The following SLF2 variants were observed in gnomAD, a reference collection of about 807,000 sequenced individuals.
The protein encoded by SLF2 is SMC5-SMC6 complex localization factor protein 2.
SLF2 carries 68 observed loss-of-function variants against 124.3 expected under a neutral mutation model. The observed-to-expected ratio is 0.55, with a 90% CI of 0.45 to 0.67. The LOEUF (loss-of-function observed/expected upper bound fraction) is 0.67, where lower values mean the gene tolerates loss of function less well. SLF2 is among the 30% of genes least tolerant of loss of function. SLF2 has a pLI of 0.00. For synonymous variants in SLF2, 480 were observed against 478.8 expected (o/e 1.00, Z -0.03); for missense variants, 1,246 against 1,373.7 (o/e 0.91, Z 1.47).
chr10:100,932,720 T>TGTGC (rs763852210), intron 9 of SLF2, among the ~76,000 whole-genome samples: 843 of 36,194 alleles, frequency 0.023, no homozygotes, highest in Middle Eastern at 0.043. Context: ...TGTGTGTGTG[T>TGTGC]GCGCGCGCGC....
intron 4 of SLF2, among the ~76,000 whole-genome samples, chr10:100,923,264 C>CA (rs1409845059): frequency 6.6e-6 from 1 of 152,106 alleles, no homozygotes; most frequent in Non-Finnish European, 1.5e-5. Context: ...AGTTTGAAAT[C>CA]AGGATATCAA....
intron 12 of SLF2, 58 bp from the exon 13 acceptor site, chr10:100,945,272 C>A: frequency 7.2e-7 from 1 of 1,388,694 alleles, no homozygotes; most frequent in South Asian, 1.5e-5. Flanking sequence ...ATAATTAAAA[C>A]TCTAAAAGTA....
Position 100,917,051 on chromosome 10 carries a change from G to C in SLF2, c.666G>C (p.Leu222=). ...SSRSLSSRSS[L]SRHHPEESPL... ...GAAGCCTTAGCAGCAGGAGCAGCCTGTCCAGGCACCACCCGGAAGAAAGCC... is the reference window on the plus strand; with the variant it reads ...GAAGCCTTAGCAGCAGGAGCAGCCTCTCCAGGCACCACCCGGAAGAAAGCC... The change falls in exon 3 of 20, where the codon CTG becomes CTC. Residue 222 remains leucine (L), a synonymous_variant. Coordinates refer to ENST00000238961, the MANE Select transcript of SLF2 (RefSeq NM_018121.4). 5.0e-6 allele frequency: 8 copies of C among 1,614,184 alleles called. No individual in the cohort carries two copies. Among genetic ancestry groups the C allele is most frequent in the Non-Finnish European group, 6.8e-6 (8 of 1,180,032 alleles).
chr10:100,926,505 G>T (rs1167800381), intron 6 of SLF2: 4 of 359,436 alleles, frequency 1.1e-5, no homozygotes, highest in Non-Finnish European at 2.0e-5. Flanking sequence ...TCAACAGGCT[G>T]AGGTTGGGAG....
intron 1 of SLF2, chr10:100,913,953 A>G (rs1849370068): frequency 1.5e-5 from 13 of 849,426 alleles, no homozygotes; most frequent in Non-Finnish European, 1.8e-5. Flanking sequence ...CATGTTACTA[A>G]TACTGTGGTA....
chr10:100,929,522 T>G, intron 7 of SLF2, 83 bp downstream of exon 7: 1 of 1,189,506 alleles, frequency 8.4e-7, no homozygotes, highest in Non-Finnish European at 1.2e-6. Flanking sequence ...AATGGGCCAT[T>G]GATGGCTGTT....
Position 100,924,136 on chromosome 10 carries a change from G to T in SLF2, c.1135G>T (p.Ala379Ser). 6.2e-7 allele frequency: 1 copy of T among 1,613,624 alleles called. No individual in the cohort carries two copies. Among genetic ancestry groups the T allele is most frequent in the Non-Finnish European group, 8.5e-7 (1 of 1,179,916 alleles). ...GAAAGAAAAATTTATAAAACATATT[G>T]CACTGAAGACACCTGGTGATGTGTT... The part of the protein sequence containing the change: ...HQKEKFIKHI[A>S]LKTPGDVLRL... The change falls in exon 5 of 20, where the codon GCA (alanine) becomes TCA (serine). Residue 379 changes from alanine to serine, a missense_variant. This residue lies in a region of SLF2 where 698 missense variants were observed against 708.9 expected (regional missense o/e 0.98). Transcript: ENST00000238961.
At position 100,913,016 on chromosome 10, in the gene SLF2, C is replaced by T. The variant is rs1365193777; in HGVS notation, c.-95C>T. The T allele has an allele frequency of 1.4e-6, 2 of 1,420,640 alleles. No homozygotes were observed. The highest frequency in any genetic ancestry group is 1.9e-5 in the Admixed American group (1 of 52,442). The allele number at this position is 1,420,640 out of a possible 1,614,324, so 88.0% of individuals were successfully genotyped here. A position where few individuals can be genotyped will look rare whatever the true frequency, so the allele number is the denominator to read the frequency against. The stretch of plus-strand genomic sequence containing the variant: ...GAGAAGGGGGTGCCGCCCACCTCTG[C>T]TCCGACAGCCTCCCGGAGTCCCAGC... On this transcript the variant is annotated 5_prime_UTR_variant, in exon 1 of 20. Transcript: ENST00000238961.
Position 100,916,891 on chromosome 10 carries a change from G to C in SLF2, c.506G>C (p.Arg169Pro). Residue 169 changes from arginine (R) to proline (P), a missense_variant, in exon 3 of 20, where the codon CGA becomes CCA. Transcript: ENST00000238961. ...KEMKSLKKKHRSPERRKSLFI... is the reference protein window; with the variant it reads ...KEMKSLKKKHPSPERRKSLFI... The stretch of plus-strand genomic sequence containing the variant: ...ATGAAGTCACTAAAGAAAAAACATC[G>C]ATCCCCAGAGAGAAGGAAGTCACTA... 2 of 1,613,982 alleles carry C rather than the reference G, an allele frequency of 1.2e-6. No individual in the cohort carries two copies. The highest frequency in any genetic ancestry group is 1.7e-6 in the Non-Finnish European group (2 of 1,180,008).
intron 9 of SLF2, among the ~76,000 whole-genome samples, chr10:100,934,940 T>A (rs1040539471): frequency 2.0e-5 from 3 of 152,094 alleles, no homozygotes; most frequent in Middle Eastern, 3.4e-3. Flanking sequence ...CATTTTAAAT[T>A]TAAATGTATT....
intron 9 of SLF2, among the ~76,000 whole-genome samples, chr10:100,932,726 C>CGT (rs1849767558): frequency 4.1e-5 from 6 of 144,728 alleles, no homozygotes; most frequent in African/African-American, 1.0e-4. Flanking sequence ...TGTGTGCGCG[C>CGT]GCGCGCGCGC....
In SLF2 at chr10:100,929,401, C is replaced by A; in HGVS notation, c.2127C>A (p.Asp709Glu). The change falls in exon 7 of 20, where the codon GAC becomes GAA. Residue 709 changes from aspartate to glutamate, a missense_variant. By Grantham distance (45) the Asp-to-Glu change is conservative. Coordinates refer to ENST00000238961, the MANE Select transcript of SLF2 (RefSeq NM_018121.4). ...CCCCAATCAGAATTGGAGAAGAAGA[C>A]AGTACAGATGATGAGGATGGCCTCT... Reference protein sequence around the residue: ...IKSPIRIGEEDSTDDEDGLLE... With the variant: ...IKSPIRIGEEESTDDEDGLLE... The A allele has an allele frequency of 6.2e-7, 1 of 1,612,916 alleles. No individual in the cohort carries two copies. Among genetic ancestry groups the A allele is most frequent in the Non-Finnish European group, 8.5e-7 (1 of 1,179,160 alleles).
chr10:100,925,023 A>G, intron 5 of SLF2, 51 bp downstream of exon 5: 1 of 1,521,694 alleles, frequency 6.6e-7, no homozygotes, highest in Non-Finnish European at 8.8e-7. Context: ...AAGATGATTA[A>G]TTAGTGAAAG....
chr10:100,960,562 G>A (rs1850408121), intron 19 of SLF2, among the ~76,000 whole-genome samples: 1 of 152,062 alleles, frequency 6.6e-6, no homozygotes, highest in East Asian at 1.9e-4. Context: ...TAGCTTTTTT[G>A]CAGAAATGTC....
intron 17 of SLF2, among the ~76,000 whole-genome samples, chr10:100,956,121 A>G (rs1387559942): frequency 6.6e-6 from 1 of 150,884 alleles, no homozygotes; most frequent in African/African-American, 2.4e-5. Flanking sequence ...TTGTCTGAAT[A>G]TTTTGTTAGC....
In SLF2 at chr10:100,961,985, T is replaced by TTCTG; in HGVS notation, c.*74_*75insCTGT. The TTCTG allele has an allele frequency of 7.3e-7, 1 of 1,372,760 alleles. No individual in the cohort carries two copies. The highest frequency in any genetic ancestry group is 1.0e-6 in the Non-Finnish European group (1 of 989,920). 85.0% of individuals were successfully genotyped at this position (1,372,760 alleles called of 1,614,324 possible). ...GCCTTTCATAGAGGAGTAGAAAGGA[T>TTCTG]TATTACAGAATCCAATGAATGCCAA... is the stretch of plus-strand genomic sequence containing the variant. On this transcript the variant is annotated 3_prime_UTR_variant, in exon 20 of 20. Transcript: ENST00000238961.
At chr10:100,915,692 C>G (rs1467651009) in intron 1 of SLF2, among the ~76,000 whole-genome samples, 1 of 152,170 alleles carries the variant, frequency 6.6e-6, no homozygotes, top group Non-Finnish European at 1.5e-5. Context: ...TAGCCGTGAA[C>G]ATTTCAGTCT....
chr10:100,925,840 C>T (rs1283361612), intron 5 of SLF2, 109 bp from the exon 6 acceptor site: 1 of 1,066,648 alleles, frequency 9.4e-7, no homozygotes, highest in South Asian at 1.7e-5. Context: ...GTTATCCTGG[C>T]CCAGATTATT....
Position 100,916,844 on chromosome 10 carries a change from TTCA to T in SLF2, c.461_463del (p.Ser154del). 1.2e-6 allele frequency: 2 copies of T among 1,614,202 alleles called. No individual in the cohort carries two copies. The highest frequency in any genetic ancestry group is 1.7e-6 in the Non-Finnish European group (2 of 1,180,036). Reference sequence around the variant, plus strand: ...AAGGAACAAATATCTATGTTCCTTCTTCATATCACTTGCCAAAGGAGATGAAGT... The same window carrying T: ...AAGGAACAAATATCTATGTTCCTTCTTATCACTTGCCAAAGGAGATGAAGT... On this transcript the variant is annotated inframe_deletion, in exon 3 of 20. Transcript: ENST00000238961.
Sources: allele counts gnomAD v4.1 joint callset (sites outside exome capture counted in the v4.1 genomes callset), GRCh38; gene constraint gnomAD v4.1.1; regional missense constraint gnomAD v4.1.1; transcripts MANE v1.5; gene names NCBI Gene and HGNC (gene_info 2026-07-23, HGNC 2026-07-21).